Variants in MTHFD1L observed in about 807,000 individuals in gnomAD.
MTHFD1L encodes monofunctional C1-tetrahydrofolate synthase, mitochondrial.
MTHFD1L carries 81 observed loss-of-function variants against 119.5 expected under a neutral mutation model. That is an observed-to-expected ratio of 0.68 (90% confidence interval 0.57 to 0.82). The LOEUF (loss-of-function observed/expected upper bound fraction) is 0.82. MTHFD1L is among the 40% of genes least tolerant of loss of function. The pLI is 0.00. For synonymous variants in MTHFD1L, 430 were observed against 475.2 expected, an observed-to-expected ratio of 0.90 and a Z score of 1.24; for missense variants, 1,125 against 1,253.4, an observed-to-expected ratio of 0.90 and a Z score of 1.55.
chr6:150,940,994 T>G (rs1176185202), intron 13 of MTHFD1L, among the ~76,000 whole-genome samples: 3 of 152,202 alleles, frequency 2.0e-5, no homozygotes, highest in Non-Finnish European at 4.4e-5. Flanking sequence ...CTGAGCACCG[T>G]GCCTGACACT....
At chr6:151,000,729 G>T (rs9478903) in intron 20 of MTHFD1L, among the ~76,000 whole-genome samples, 34,932 of 152,080 alleles carry the variant, frequency 0.23, 4,092 homozygotes, top group Middle Eastern at 0.31. Context: ...TTCATGTGTT[G>T]CTGTGACTTT....
At chr6:150,901,240 G>A (rs1165749253) in intron 7 of MTHFD1L, among the ~76,000 whole-genome samples, 1 of 152,038 alleles carries the variant, frequency 6.6e-6, no homozygotes, top group Non-Finnish European at 1.5e-5. Context: ...AGGCCCAGGC[G>A]GGCAGATCAC....
rs776412588 is a variant in MTHFD1L at position 150,960,406 on chromosome 6, A to G, written c.1935A>G (p.Ala645=). 6 of 1,608,904 alleles carry G rather than the reference A, an allele frequency of 3.7e-6. No homozygotes were observed. The highest frequency in any genetic ancestry group is 5.1e-6 in the Non-Finnish European group (6 of 1,177,382). Residue 645 remains alanine, a synonymous_variant, in exon 18 of 28, where the codon GCA becomes GCG. Coordinates refer to ENST00000367321, the MANE Select transcript of MTHFD1L (RefSeq NM_015440.5). ...ACAAAAGCGGGCAGCCTGTGACAGC[A>G]GATGATTTGGTGAGTGTTTCCAACT... ...ASDKSGQPVT[A]DDLGVTGALT...
intron 13 of MTHFD1L, among the ~76,000 whole-genome samples, chr6:150,944,070 G>A (rs544678104): frequency 2.0e-5 from 3 of 152,308 alleles, no homozygotes; most frequent in South Asian, 4.1e-4. Context: ...AAGGTTCTTT[G>A]TTGTCACGTG....
At chr6:150,941,137 T>C (rs1793030801) in intron 13 of MTHFD1L, among the ~76,000 whole-genome samples, 1 of 152,094 alleles carries the variant, frequency 6.6e-6, no homozygotes, top group Non-Finnish European at 1.5e-5. Context: ...ACACTATGAC[T>C]GGAAGGATGG....
intron 7 of MTHFD1L, among the ~76,000 whole-genome samples, chr6:150,900,506 C>T (rs922648706): frequency 6.6e-6 from 1 of 152,126 alleles, no homozygotes; most frequent in Admixed American, 6.6e-5. Context: ...GCTGTGTGTC[C>T]CGACCCGCAT....
chr6:151,083,164 A>G (rs1326084986), intron 26 of MTHFD1L, among the ~76,000 whole-genome samples: 1 of 152,018 alleles, frequency 6.6e-6, no homozygotes, highest in Non-Finnish European at 1.5e-5. Context: ...AAGAATCTCC[A>G]TCGTTCTCCA....
chr6:150,871,654 A>G (rs985195901), intron 1 of MTHFD1L, among the ~76,000 whole-genome samples: 1 of 150,802 alleles, frequency 6.6e-6, no homozygotes, highest in African/African-American at 2.4e-5. Flanking sequence ...GGCGCCTGCC[A>G]CCACGCCTGG....
intron 20 of MTHFD1L, among the ~76,000 whole-genome samples, chr6:150,977,195 G>A (rs751949303): frequency 6.6e-6 from 1 of 152,096 alleles, no homozygotes; most frequent in Non-Finnish European, 1.5e-5. Flanking sequence ...GAATTTCAAG[G>A]GATGATGGGC....
At chr6:151,044,653 A>T (rs763668474) in intron 26 of MTHFD1L, among the ~76,000 whole-genome samples, 3 of 152,050 alleles carry the variant, frequency 2.0e-5, no homozygotes, top group Admixed American at 6.5e-5. Flanking sequence ...TACCTATCTC[A>T]TGGTGGAAAC....
chr6:151,035,406 A>C lies in MTHFD1L; in HGVS notation c.2694+806A>C, dbSNP rs570302319. 1.7e-4 allele frequency among the ~76,000 whole-genome samples: 26 copies of C among 152,264 alleles called. No homozygotes were observed. In the East Asian group the frequency reaches 4.4e-3, roughly 26 times the overall value. On this transcript the variant is annotated intron_variant, in intron 25 of 27. Transcript: ENST00000367321. ...GACCTTTTCTTTAAAAAAAATCTCCAACTCCTTATTCTTTTTTGTAAACCC... is the reference window on the plus strand; with the variant it reads ...GACCTTTTCTTTAAAAAAAATCTCCCACTCCTTATTCTTTTTTGTAAACCC...
intron 10 of MTHFD1L, among the ~76,000 whole-genome samples, chr6:150,925,897 T>G (rs2083846539): frequency 6.6e-6 from 1 of 152,152 alleles, no homozygotes; most frequent in Non-Finnish European, 1.5e-5. Flanking sequence ...CTGGACACAA[T>G]TCTAGGATCT....
intron 20 of MTHFD1L, chr6:150,985,238 T>A (rs1778110847): frequency 6.6e-6 from 1 of 152,206 alleles, no homozygotes. Context: ...TCTTTTTTCT[T>A]TTGGTAAATG....
chr6:151,101,188 C>T (rs977225815), intron 27 of MTHFD1L, among the ~76,000 whole-genome samples: 1 of 152,008 alleles, frequency 6.6e-6, no homozygotes, highest in South Asian at 2.1e-4. Flanking sequence ...TTTTTAAATC[C>T]TAAATATTCT....
chr6:150,953,338 G>C (rs1795118176), intron 16 of MTHFD1L, among the ~76,000 whole-genome samples: 1 of 152,166 alleles, frequency 6.6e-6, no homozygotes, highest in South Asian at 2.1e-4. Context: ...GGATGGTCCA[G>C]AGCAAAAAAT....
chr6:151,028,168 C>T (rs1218714408), intron 24 of MTHFD1L, among the ~76,000 whole-genome samples: 1 of 152,114 alleles, frequency 6.6e-6, no homozygotes, highest in Non-Finnish European at 1.5e-5. Context: ...CTCACAGTAC[C>T]GTCATGTGTG....
chr6:151,009,519 G>A (rs1781921219), intron 20 of MTHFD1L, among the ~76,000 whole-genome samples: 1 of 148,276 alleles, frequency 6.7e-6, no homozygotes, highest in African/African-American at 2.6e-5. Flanking sequence ...GTGCGACAGG[G>A]CAAGACACCA....
In MTHFD1L at chr6:151,013,768, C is replaced by A. The variant is rs1303288775; in HGVS notation, c.2266-11C>A. ...TAGGATTATTCTTCATGTTTTCTCT[C>A]CTTATTTCAGGTAACGGCTGGTGTT... On this transcript the variant is annotated splice_polypyrimidine_tract_variant and intron_variant, in intron 21 of 27. Transcript: ENST00000367321. 1.9e-6 allele frequency: 3 copies of A among 1,609,984 alleles called. No individual in the cohort carries two copies. The highest frequency in any genetic ancestry group is 2.5e-6 in the Non-Finnish European group (3 of 1,176,896).
chr6:150,937,123 G>A (rs1487013175), intron 12 of MTHFD1L, among the ~76,000 whole-genome samples, 183 bp downstream of exon 12: 1 of 152,198 alleles, frequency 6.6e-6, no homozygotes, highest in Admixed American at 6.5e-5. Context: ...AAAGAGCAGT[G>A]GGAGCCGCCA....
Sources: allele counts gnomAD v4.1 joint callset (sites outside exome capture counted in the v4.1 genomes callset), GRCh38; gene constraint gnomAD v4.1.1; transcripts MANE v1.5; gene names NCBI Gene and HGNC (gene_info 2026-07-23, HGNC 2026-07-21).